The following ASTN2 variants were observed in gnomAD, a reference collection of about 807,000 sequenced individuals.
ASTN2 encodes astrotactin-2.
In ASTN2, 54 loss-of-function variants were observed where a neutral mutation model predicts 139.8. The ratio of observed to expected loss-of-function variants is 0.39; its 90% CI spans 0.31 to 0.48. The LOEUF (loss-of-function observed/expected upper bound fraction) is 0.48. ASTN2 is among the 20% of genes least tolerant of loss of function. The pLI, the probability that ASTN2 is intolerant of heterozygous loss-of-function variation, is 0.95. For missense variants in ASTN2, 1,565 were observed against 1,725.1 expected, an observed-to-expected ratio of 0.91 and a Z score of 1.64; for synonymous variants, 756 against 719.5, an observed-to-expected ratio of 1.05 and a Z score of -0.81.
chr9:117,167,991 C>A (rs943601252), intron 3 of ASTN2, among the ~76,000 whole-genome samples: 2 of 152,110 alleles, frequency 1.3e-5, no homozygotes, highest in African/African-American at 4.8e-5. Context: ...AAACCCAGGG[C>A]AGTGGGCAGT....
At chr9:117,267,118 G>T (rs1349359268) in intron 2 of ASTN2, among the ~76,000 whole-genome samples, 2 of 152,110 alleles carry the variant, frequency 1.3e-5, no homozygotes, top group African/African-American at 2.4e-5. Context: ...GGCATTCTTT[G>T]TCCAAATCTG....
intron 2 of ASTN2, among the ~76,000 whole-genome samples, chr9:117,280,506 G>A (rs1310064417): frequency 6.6e-6 from 1 of 152,164 alleles, no homozygotes; most frequent in African/African-American, 2.4e-5. Context: ...TGGAAGAAAA[G>A]ACACAGGAGA....
intron 10 of ASTN2, among the ~76,000 whole-genome samples, chr9:116,931,465 T>A (rs1265553095): frequency 5.9e-5 from 9 of 152,200 alleles, no homozygotes; most frequent in Non-Finnish European, 1.3e-4. Context: ...TGAATTCTTA[T>A]GAGTTTTAAG....
intron 2 of ASTN2, among the ~76,000 whole-genome samples, chr9:117,270,067 T>C (rs1055131270): frequency 6.6e-6 from 1 of 152,200 alleles, no homozygotes; most frequent in Middle Eastern, 3.2e-3. Context: ...AAACCCAAAT[T>C]TGTCCACCTT....
At position 116,438,264 on chromosome 9, in the gene ASTN2, C is replaced by T. The variant is rs78511173; in HGVS notation, c.3782+2345G>A. ...TCTTACCTTGACACCTATACTCAAG[C>T]CAGAGGGATCTTTCTCCTTTAATGG... On this transcript the variant is annotated intron_variant, in intron 22 of 22. Coordinates refer to ENST00000313400, the MANE Select transcript of ASTN2 (RefSeq NM_001365068.1). Among the ~76,000 whole-genome samples the T allele has an allele frequency of 0.013, 1,971 of 152,292 alleles. 182 individuals carry two copies. The South Asian group carries it at 0.21, about 16-fold the overall frequency.
At chr9:117,345,157 T>C (rs571628152) in intron 1 of ASTN2, among the ~76,000 whole-genome samples, 8 of 152,270 alleles carry the variant, frequency 5.3e-5, no homozygotes, top group Non-Finnish European at 8.8e-5. Context: ...CTGTAGTTAA[T>C]TGAATCCTCC....
intron 1 of ASTN2, among the ~76,000 whole-genome samples, chr9:117,332,004 C>G (rs371619365): frequency 1.3e-5 from 2 of 152,074 alleles, no homozygotes; most frequent in South Asian, 4.1e-4. Context: ...CAGCTTCTGT[C>G]TGAAAAGGAC....
chr9:117,212,419 T>C (rs1357615081), intron 3 of ASTN2, among the ~76,000 whole-genome samples: 1 of 151,790 alleles, frequency 6.6e-6, no homozygotes, highest in Non-Finnish European at 1.5e-5. Context: ...CAAGATTATA[T>C]GTCAAACTAA....
At chr9:116,912,201 T>A (rs1003378930) in intron 10 of ASTN2, among the ~76,000 whole-genome samples, 4 of 152,250 alleles carry the variant, frequency 2.6e-5, no homozygotes, top group African/African-American at 9.6e-5. Flanking sequence ...TTGCTTTGAA[T>A]CCATGCAAAC....
chr9:116,904,952 A>G (rs1446896003), intron 10 of ASTN2, among the ~76,000 whole-genome samples: 1 of 151,530 alleles, frequency 6.6e-6, no homozygotes, highest in East Asian at 2.0e-4. Flanking sequence ...CACCCTCCGC[A>G]CCCCCAACTC....
At chr9:117,058,592 TCTGAAA>T in intron 5 of ASTN2, among the ~76,000 whole-genome samples, 1 of 152,362 alleles carries the variant, frequency 6.6e-6, no homozygotes, top group African/African-American at 2.4e-5. Context: ...AGGTATAGCC[TCTGAAA>T]CTGTATCTAT....
chr9:117,084,369 A>G (rs1172599730), intron 5 of ASTN2, among the ~76,000 whole-genome samples: 1 of 152,186 alleles, frequency 6.6e-6, no homozygotes, highest in Non-Finnish European at 1.5e-5. Context: ...ACAGCTGAAC[A>G]TTTGAGCAAG....
chr9:116,647,913 C>T (rs1026992116), intron 17 of ASTN2, among the ~76,000 whole-genome samples: 8 of 152,138 alleles, frequency 5.3e-5, no homozygotes, highest in Admixed American at 1.3e-4. Context: ...CCTCCTTGAG[C>T]GCTTGATGCG....
chr9:116,940,017 G>A (rs1248511113), intron 10 of ASTN2, among the ~76,000 whole-genome samples: 2 of 152,118 alleles, frequency 1.3e-5, no homozygotes, highest in Non-Finnish European at 2.9e-5. Context: ...TAAAAGTATA[G>A]CACATACAAT....
At chr9:117,217,872 T>C (rs1343535562) in intron 2 of ASTN2, among the ~76,000 whole-genome samples, 3 of 152,238 alleles carry the variant, frequency 2.0e-5, no homozygotes, top group African/African-American at 7.2e-5. Flanking sequence ...ACAACTTGCC[T>C]TGGATCCCCA....
intron 7 of ASTN2, among the ~76,000 whole-genome samples, chr9:116,993,577 A>T (rs1350833352): frequency 2.0e-5 from 3 of 150,132 alleles, no homozygotes; most frequent in Non-Finnish European, 4.4e-5. Flanking sequence ...ATTACTATAG[A>T]TACTATATAT....
chr9:117,409,958 A>G (rs1408074002), intron 1 of ASTN2, among the ~76,000 whole-genome samples: 1 of 152,204 alleles, frequency 6.6e-6, no homozygotes, highest in Non-Finnish European at 1.5e-5. Flanking sequence ...AGCTTCTTGC[A>G]TAAAGCAGCC....
At chr9:117,085,381 TC>T (rs2132732209) in intron 5 of ASTN2, among the ~76,000 whole-genome samples, 1 of 152,328 alleles carries the variant, frequency 6.6e-6, no homozygotes, top group East Asian at 1.9e-4. Flanking sequence ...TTAAGTATTT[TC>T]CAGTTTCCAT....
intron 10 of ASTN2, among the ~76,000 whole-genome samples, chr9:116,891,038 T>C (rs1388614757): frequency 6.6e-6 from 1 of 152,200 alleles, no homozygotes; most frequent in East Asian, 1.9e-4. Flanking sequence ...CCAGGAGTCA[T>C]CAAAGCAAAA....
Sources: gnomAD v4.1 joint callset for allele counts (sites outside exome capture counted in the v4.1 genomes callset) on GRCh38, gnomAD v4.1.1 for gene constraint, MANE v1.5 for transcripts, NCBI Gene and HGNC (gene_info 2026-07-23, HGNC 2026-07-21) for gene names.